The following SERPINA3 variants were observed in gnomAD, a reference collection of about 807,000 sequenced individuals.
The protein encoded by SERPINA3 is alpha-1-antichymotrypsin.
A neutral mutation model predicts 26.8 loss-of-function variants in SERPINA3; 32 were observed. That is an observed-to-expected ratio of 1.20 (90% CI 0.90 to 1.61). The LOEUF (loss-of-function observed/expected upper bound fraction) is 1.61. Among genes scored for constraint, SERPINA3 ranks in the 40% most tolerant of loss-of-function variants. The pLI is 0.00. For synonymous variants in SERPINA3, 252 were observed against 206.4 expected (o/e 1.22, Z -1.89); for missense variants, 632 against 517.9 (o/e 1.22, Z -2.14).
intron 2 of SERPINA3, chr14:94,618,894 T>A (rs1886092291): frequency 2.0e-6 from 1 of 504,888 alleles, no homozygotes; most frequent in Non-Finnish European, 3.6e-6. Flanking sequence ...CATGTTGTCA[T>A]GCCTCTTTCC....
Position 94,612,434 on chromosome 14 carries a change from G to A in SERPINA3, c.-22G>A, listed in dbSNP as rs1357343482. 1 of 1,364,512 alleles carries A rather than the reference G, an allele frequency of 7.3e-7. No homozygotes were observed. The highest frequency in any genetic ancestry group is 9.8e-7 in the Non-Finnish European group (1 of 1,020,690). 84.5% of individuals were successfully genotyped at this position (1,364,512 alleles called of 1,614,324 possible). On this transcript the variant is annotated 5_prime_UTR_variant, in exon 1 of 5. Transcript: ENST00000393078. ...CTTTGGAATCCACCAGCTACATCCA[G>A]CTCCCTGAGGCAGGTAATCCATGAT...
intron 2 of SERPINA3, chr14:94,617,958 G>A (rs1429810653): frequency 1.3e-5 from 2 of 151,908 alleles, no homozygotes; most frequent in African/African-American, 4.8e-5. Context: ...ACCATTCTTA[G>A]CTTTAGGTAC....
intron 2 of SERPINA3, chr14:94,618,672 C>T (rs1886086000): frequency 9.8e-6 from 2 of 203,128 alleles, no homozygotes; most frequent in South Asian, 9.2e-5. Flanking sequence ...TTCCTCCCCT[C>T]ATTCACACTG....
chr14:94,615,059 C>A lies in SERPINA3; in HGVS notation c.618C>A (p.Val206=). Residue 206 remains valine (V), a synonymous_variant, in exon 2 of 5, where the codon GTC becomes GTA. Transcript: ENST00000393078. ...IKDLDSQTMM[V]LVNYIFFKAK... Reference sequence around the variant, plus strand: ...ACCTTGACTCGCAGACAATGATGGTCCTGGTGAATTACATCTTCTTTAAAG... The same window carrying A: ...ACCTTGACTCGCAGACAATGATGGTACTGGTGAATTACATCTTCTTTAAAG... 1.2e-6 allele frequency: 2 copies of A among 1,614,096 alleles called. No individual in the cohort carries two copies. The highest frequency in any genetic ancestry group is 1.7e-5 in the Admixed American group (1 of 60,000).
Position 94,624,016 on chromosome 14 carries a change from T to C in SERPINA3, c.*202T>C, listed in dbSNP as rs975401642. Reference sequence around the variant, plus strand: ...CCCATGGACTCTTCAGTCTGGAGGGTCCTGGGCCTCCTGACAGCAATAAAT... The same window carrying C: ...CCCATGGACTCTTCAGTCTGGAGGGCCCTGGGCCTCCTGACAGCAATAAAT... On this transcript the variant is annotated 3_prime_UTR_variant, in exon 5 of 5. Transcript: ENST00000393078. 1.5e-5 allele frequency: 9 copies of C among 617,972 alleles called. No individual in the cohort carries two copies. Among genetic ancestry groups the C allele is most frequent in the Non-Finnish European group, 2.3e-5 (8 of 348,104 alleles). The allele number at this position is 617,972 out of a possible 1,614,324, so 38.3% of individuals were successfully genotyped here. A position where few individuals can be genotyped will look rare whatever the true frequency, so the allele number is the denominator to read the frequency against.
Position 94,622,507 on chromosome 14 carries a change from T to C in SERPINA3, c.1068+16T>C. The C allele has an allele frequency of 6.2e-7, 1 of 1,613,742 alleles. No individual in the cohort carries two copies. ...AGTCTCCCAGGTGAGTCTTTAGACT[T>C]GGGTCAATTCATCCTTTGTATCCGA... On this transcript the variant is annotated intron_variant, in intron 4 of 4. Transcript: ENST00000393078.
intron 2 of SERPINA3, among the ~76,000 whole-genome samples, chr14:94,617,018 A>G (rs867619034): frequency 6.6e-6 from 1 of 152,188 alleles, no homozygotes; most frequent in Non-Finnish European, 1.5e-5. Flanking sequence ...ACAAGGCAGC[A>G]GTCAGGGTCC....
Position 94,623,834 on chromosome 14 carries a change from G to C in SERPINA3, c.*20G>C. 1 of 1,609,214 alleles carries C rather than the reference G, an allele frequency of 6.2e-7. No individual in the cohort carries two copies. Among genetic ancestry groups the C allele is most frequent in the Non-Finnish European group, 8.5e-7 (1 of 1,176,084 alleles). On this transcript the variant is annotated 3_prime_UTR_variant, in exon 5 of 5. Transcript: ENST00000393078. ...GCCTAGAGCTTGCCATCAAGCAGTG[G>C]GGCTCTCAGTAAGGAACTTGGAATG...
At chr14:94,619,107 C>T (rs540583382) in intron 2 of SERPINA3, 88 bp from the exon 3 acceptor site, 453 of 1,492,312 alleles carry the variant, frequency 3.0e-4, no homozygotes, top group Non-Finnish European at 4.0e-4. Context: ...CTATGAGGGA[C>T]TCTGGGCACT....
chr14:94,622,537 G>T, intron 4 of SERPINA3, 46 bp downstream of exon 4: 1 of 1,607,050 alleles, frequency 6.2e-7, no homozygotes, highest in Non-Finnish European at 8.5e-7. Flanking sequence ...ATCCGAACTT[G>T]AATTGGTGAA....
chr14:94,623,168 C>G (rs1484624534), intron 4 of SERPINA3, among the ~76,000 whole-genome samples: 3 of 152,188 alleles, frequency 2.0e-5, no homozygotes, highest in Non-Finnish European at 4.4e-5. Context: ...TAAGCTAGAG[C>G]AGGAGAGATG....
chr14:94,623,957 G>A lies in SERPINA3; in HGVS notation c.*143G>A, dbSNP rs1444475143. On this transcript the variant is annotated 3_prime_UTR_variant, in exon 5 of 5. Coordinates refer to ENST00000393078, the MANE Select transcript of SERPINA3 (RefSeq NM_001085.5). Reference sequence around the variant, plus strand: ...GTCTGCTTATCCTTGGAAGGTGACAGCGATTCCCTGTGTAGCTCTCACATG... The same window carrying A: ...GTCTGCTTATCCTTGGAAGGTGACAACGATTCCCTGTGTAGCTCTCACATG... 6 of 765,036 alleles carry A rather than the reference G, an allele frequency of 7.8e-6. No homozygotes were observed. The highest frequency in any genetic ancestry group is 1.4e-5 in the Non-Finnish European group (6 of 436,114). The allele number at this position is 765,036 out of a possible 1,614,324, so 47.4% of individuals were successfully genotyped here.
intron 2 of SERPINA3, among the ~76,000 whole-genome samples, chr14:94,616,872 A>C (rs760411550): frequency 6.6e-6 from 1 of 152,034 alleles, no homozygotes; most frequent in Non-Finnish European, 1.5e-5. Flanking sequence ...GATGTTAAGG[A>C]GGCAAAATTG....
intron 1 of SERPINA3, among the ~76,000 whole-genome samples, chr14:94,612,686 C>T (rs116814299): frequency 6.6e-6 from 1 of 152,194 alleles, no homozygotes; most frequent in Admixed American, 6.5e-5. Flanking sequence ...CCTGGGGCCT[C>T]TATGGTCATT....
intron 1 of SERPINA3, chr14:94,614,220 A>G (rs1240532860): frequency 1.7e-6 from 1 of 587,448 alleles, no homozygotes; most frequent in African/African-American, 1.9e-5. Flanking sequence ...TTCCACTGCA[A>G]GAAAATGGCA....
At chr14:94,618,870 G>T in intron 2 of SERPINA3, 1 of 466,298 alleles carries the variant, frequency 2.1e-6, no homozygotes, top group Non-Finnish European at 3.9e-6. Context: ...TTCTCCTCAG[G>T]CACCAGCCTC....
In SERPINA3 at chr14:94,614,819, C is replaced by T; in HGVS notation, c.378C>T (p.Leu126=). The change falls in exon 2 of 5, where the codon CTC becomes CTT. Residue 126 remains leucine, a synonymous_variant. Transcript: ENST00000393078. The part of the protein sequence containing the change: ...HQSFQHLLRT[L]NQSSDELQLS... Reference sequence around the variant, plus strand: ...GCTTCCAGCACCTCCTGCGCACCCTCAATCAGTCCAGCGATGAGCTGCAGC... The same window carrying T: ...GCTTCCAGCACCTCCTGCGCACCCTTAATCAGTCCAGCGATGAGCTGCAGC... The T allele has an allele frequency of 6.2e-7, 1 of 1,614,210 alleles. No homozygotes were observed. The highest frequency in any genetic ancestry group is 1.1e-5 in the South Asian group (1 of 91,082).
At chr14:94,620,532 G>A (rs1454970650) in intron 3 of SERPINA3, among the ~76,000 whole-genome samples, 1 of 152,156 alleles carries the variant, frequency 6.6e-6, no homozygotes, top group Non-Finnish European at 1.5e-5. Context: ...CCATCAGGAG[G>A]TTTGGAGGAG....
rs769377662 is a variant in SERPINA3, at chr14:94,615,036, C to T, written c.595C>T (p.Leu199Phe). The T allele has an allele frequency of 1.9e-6, 3 of 1,614,066 alleles. No homozygotes were observed. Among genetic ancestry groups the T allele is most frequent in the East Asian group, 2.2e-5 (1 of 44,892 alleles). ...RGKITDLIKDLDSQTMMVLVN... is the reference protein window; with the variant it reads ...RGKITDLIKDFDSQTMMVLVN... ...GAAAATCACAGATCTGATCAAGGAC[C>T]TTGACTCGCAGACAATGATGGTCCT... Residue 199 changes from leucine to phenylalanine, a missense_variant, in exon 2 of 5, where the codon CTT becomes TTT. Coordinates refer to ENST00000393078, the MANE Select transcript of SERPINA3 (RefSeq NM_001085.5).
Sources: allele counts gnomAD v4.1 joint callset (sites outside exome capture counted in the v4.1 genomes callset), GRCh38; gene constraint gnomAD v4.1.1; transcripts MANE v1.5; gene names NCBI Gene and HGNC (gene_info 2026-07-23, HGNC 2026-07-21).